Variants in DCPS observed in about 807,000 individuals in gnomAD.
The protein encoded by DCPS is decapping enzyme, scavenger, also known as m7GpppX diphosphatase.
DCPS carries 27 observed loss-of-function variants against 34.7 expected under a neutral mutation model. The observed-to-expected ratio is 0.78, with a 90% CI of 0.57 to 1.07. DCPS has a LOEUF of 1.07. Ranked by LOEUF, DCPS falls within the 50% of genes least tolerant of loss-of-function variation. The pLI is 0.00. For missense variants in DCPS, 464 were observed against 436.9 expected (o/e 1.06, Z -0.55); for synonymous variants, 185 against 185.7 (o/e 1.00, Z 0.03).
At chr11:126,322,000 G>T (rs1951709981) in intron 2 of DCPS, among the ~76,000 whole-genome samples, 1 of 152,134 alleles carries the variant, frequency 6.6e-6, no homozygotes, top group African/African-American at 2.4e-5. Context: ...ATCCAAATGG[G>T]TGTTGCAGAA....
At chr11:126,318,098 G>T (rs1208946493) in intron 2 of DCPS, among the ~76,000 whole-genome samples, 1 of 152,148 alleles carries the variant, frequency 6.6e-6, no homozygotes, top group Middle Eastern at 3.2e-3. Context: ...GGGAGGGAAG[G>T]AGCTGAGGGT....
In DCPS at chr11:126,347,627, G is replaced by A. The variant is rs544768795; in HGVS notation, c.*2014G>A. Among the ~76,000 whole-genome samples the A allele has an allele frequency of 6.6e-6, 1 of 152,350 alleles. No homozygotes were observed. The highest frequency in any genetic ancestry group is 2.4e-5 in the African/African-American group (1 of 41,582). ...GGGAGGTCTGACAGAGAATCAGCAG[G>A]ATCCATTTCATGGCCACCACACATC... On this transcript the variant is annotated 3_prime_UTR_variant, in exon 6 of 6. Coordinates refer to ENST00000263579, the MANE Select transcript of DCPS (RefSeq NM_014026.6). The surrounding 1 kb of genome is among the most constrained non-coding windows in gnomAD (Gnocchi z 4.2).
intron 2 of DCPS, among the ~76,000 whole-genome samples, chr11:126,314,673 A>G (rs936759230): frequency 2.6e-5 from 4 of 152,164 alleles, no homozygotes; most frequent in African/African-American, 9.7e-5. Flanking sequence ...AAAAGGAATG[A>G]AATAATGGCA....
At position 126,322,149 on chromosome 11, in the gene DCPS, T is replaced by C. The variant is rs922604564; in HGVS notation, c.377-9256T>C. Among the ~76,000 whole-genome samples, 6 of 152,322 alleles carry C rather than the reference T, an allele frequency of 3.9e-5. No homozygotes were observed. Among genetic ancestry groups the C allele is most frequent in the African/African-American group, 1.2e-4 (5 of 41,566 alleles). On this transcript the variant is annotated intron_variant, in intron 2 of 5. Coordinates refer to ENST00000263579, the MANE Select transcript of DCPS (RefSeq NM_014026.6). This position sits in a 1 kb window ranked among gnomAD's most constrained non-coding sequence, Gnocchi z 4.2. ...ACAATGGATGAAGATAAAACCACTT[T>C]GAGATCCAACCACACCATCAGGGCA...
At position 126,306,840 on chromosome 11, in the gene DCPS, A is replaced by G. The variant is rs578234161; in HGVS notation, c.376+96A>G. Reference sequence around the variant, plus strand: ...ACCAGACTCTCTATACCCGATTTGCATATTCTAGTACAATAGGGAGATTAC... The same window carrying G: ...ACCAGACTCTCTATACCCGATTTGCGTATTCTAGTACAATAGGGAGATTAC... On this transcript the variant is annotated intron_variant, in intron 2 of 5. Coordinates refer to ENST00000263579, the MANE Select transcript of DCPS (RefSeq NM_014026.6). 34 of 1,394,016 alleles carry G rather than the reference A, an allele frequency of 2.4e-5. No individual in the cohort carries two copies. In the East Asian group the frequency reaches 7.9e-4, roughly 32 times the overall value. The allele number at this position is 1,394,016 out of a possible 1,614,324, so 86.4% of individuals were successfully genotyped here.
At position 126,346,817 on chromosome 11, in the gene DCPS, G is replaced by A. The variant is rs1267233898; in HGVS notation, c.*1204G>A. The stretch of plus-strand genomic sequence containing the variant: ...CCCTTTACTGCAGGTGGTAGCCCAG[G>A]TGCAGCCAACCTGCTTCAGGGTCTC... On this transcript the variant is annotated 3_prime_UTR_variant, in exon 6 of 6. Transcript: ENST00000263579. The surrounding 1 kb of genome is among the most constrained non-coding windows in gnomAD (Gnocchi z 4.1). Among the ~76,000 whole-genome samples the A allele has an allele frequency of 1.3e-5, 2 of 152,158 alleles. No homozygotes were observed. The highest frequency in any genetic ancestry group is 2.9e-5 in the Non-Finnish European group (2 of 68,026).
chr11:126,305,593 G>C (rs531651557), intron 1 of DCPS, among the ~76,000 whole-genome samples: 1 of 147,244 alleles, frequency 6.8e-6, no homozygotes, highest in African/African-American at 2.5e-5. Context: ...GCTAATTTTC[G>C]TATTTTTAGT....
rs1306054473 is a variant in DCPS, at chr11:126,349,359, C to T, written c.*3746C>T. ...CCTAGATAAATCCTGGACGGCTCCA[C>T]GACTGGCTTTTAGCCCTCAACACTT... On this transcript the variant is annotated 3_prime_UTR_variant, in exon 6 of 6. Transcript: ENST00000263579. The surrounding 1 kb of genome is among the most constrained non-coding windows in gnomAD (Gnocchi z 5.4). 6.6e-6 allele frequency among the ~76,000 whole-genome samples: 1 copy of T among 152,222 alleles called. No homozygotes were observed. The highest frequency in any genetic ancestry group is 2.4e-5 in the African/African-American group (1 of 41,454).
rs1042376037 is a variant in DCPS at position 126,344,835 on chromosome 11, C to T, written c.748-512C>T. Among the ~76,000 whole-genome samples the T allele has an allele frequency of 3.3e-5, 5 of 152,162 alleles. No individual in the cohort carries two copies. Among genetic ancestry groups the T allele is most frequent in the African/African-American group, 1.2e-4 (5 of 41,428 alleles). On this transcript the variant is annotated intron_variant, in intron 5 of 5. Coordinates refer to ENST00000263579, the MANE Select transcript of DCPS (RefSeq NM_014026.6). This position sits in a 1 kb window ranked among gnomAD's most constrained non-coding sequence, Gnocchi z 8.1. ...GGAGCAGCCCCTCCCATACCCCTTC[C>T]ACAGTCCCTGCTCTTTCACCAAGTT...
In DCPS at chr11:126,348,430, G is replaced by T. The variant is rs550422628; in HGVS notation, c.*2817G>T. ...AAGCCTCTGCTAGAGGCCTGGCAAG[G>T]GTTCCCCTTCAGAGCCAGCCAGTGC... On this transcript the variant is annotated 3_prime_UTR_variant, in exon 6 of 6. Transcript: ENST00000263579. The surrounding 1 kb of genome is among the most constrained non-coding windows in gnomAD (Gnocchi z 5.3). Among the ~76,000 whole-genome samples, 12 of 152,316 alleles carry T rather than the reference G, an allele frequency of 7.9e-5. No homozygotes were observed. The highest frequency in any genetic ancestry group is 2.9e-4 in the African/African-American group (12 of 41,572).
intron 2 of DCPS, among the ~76,000 whole-genome samples, chr11:126,326,796 G>A (rs1193787722): frequency 3.3e-5 from 5 of 152,054 alleles, no homozygotes; most frequent in African/African-American, 9.7e-5. Flanking sequence ...GGTGGCAGGC[G>A]CCTGTAGTCC....
In DCPS at chr11:126,324,331, C is replaced by T. The variant is rs370266205; in HGVS notation, c.377-7074C>T. ...TATTTCAGAGAATTGAAAATATTTT[C>T]ACAGTTTTCCTAATGAAAATTCCAA... On this transcript the variant is annotated intron_variant, in intron 2 of 5. Transcript: ENST00000263579. Among the ~76,000 whole-genome samples the T allele has an allele frequency of 3.9e-5, 6 of 152,060 alleles. No individual in the cohort carries two copies. In the East Asian group the frequency reaches 1.2e-3, roughly 29 times the overall value.
rs1360268955 is a variant in DCPS at position 126,319,937 on chromosome 11, T to C, written c.377-11468T>C. Among the ~76,000 whole-genome samples, 3 of 152,122 alleles carry C rather than the reference T, an allele frequency of 2.0e-5. No individual in the cohort carries two copies. The highest frequency in any genetic ancestry group is 1.3e-4 in the Admixed American group (2 of 15,266). ...TAACGTATTTGTTACACAAGTGATA[T>C]GTAAATATATATAACTCCATCATCC... On this transcript the variant is annotated intron_variant, in intron 2 of 5. Coordinates refer to ENST00000263579, the MANE Select transcript of DCPS (RefSeq NM_014026.6). This position sits in a 1 kb window ranked among gnomAD's most constrained non-coding sequence, Gnocchi z 4.5.
chr11:126,331,329 C>T lies in DCPS; in HGVS notation c.377-76C>T. 16 of 1,562,870 alleles carry T rather than the reference C, an allele frequency of 1.0e-5. No homozygotes were observed. Among genetic ancestry groups the T allele is most frequent in the Admixed American group, 1.8e-5 (1 of 54,272 alleles). Reference sequence around the variant, plus strand: ...GGGAATCAAAGCCAGGGTGGGAGTTCTCTCCTCACCGTGGTGCCTGTGGCA... The same window carrying T: ...GGGAATCAAAGCCAGGGTGGGAGTTTTCTCCTCACCGTGGTGCCTGTGGCA... On this transcript the variant is annotated intron_variant, in intron 2 of 5. Coordinates refer to ENST00000263579, the MANE Select transcript of DCPS (RefSeq NM_014026.6). The surrounding 1 kb of genome is among the most constrained non-coding windows in gnomAD (Gnocchi z 7.2).
At position 126,343,361 on chromosome 11, in the gene DCPS, C is replaced by A. The variant is rs757830111; in HGVS notation, c.691C>A (p.Arg231Ser). Residue 231 changes from arginine (R) to serine (S), a missense_variant, in exon 5 of 6, where the codon CGC becomes AGC. Physicochemically the swap from Arg to Ser is moderately radical, Grantham distance 110. Coordinates refer to ENST00000263579, the MANE Select transcript of DCPS (RefSeq NM_014026.6). ...CCATCGCCGGGGCATCAGATCCCTACGCGACCTTACTCCGGAGCACTTGCC... is the reference window on the plus strand; with the variant it reads ...CCATCGCCGGGGCATCAGATCCCTAAGCGACCTTACTCCGGAGCACTTGCC... The part of the protein sequence containing the change: ...ICHRRGIRSL[R>S]DLTPEHLPLL... 1.3e-5 allele frequency: 21 copies of A among 1,613,898 alleles called. No individual in the cohort carries two copies. Among genetic ancestry groups the A allele is most frequent in the Non-Finnish European group, 1.6e-5 (19 of 1,179,986 alleles).
intron 2 of DCPS, among the ~76,000 whole-genome samples, chr11:126,326,979 T>C (rs931821167): frequency 6.6e-6 from 1 of 151,976 alleles, no homozygotes; most frequent in Non-Finnish European, 1.5e-5. Flanking sequence ...ATTTGCCACA[T>C]TGGCTTTTTC....
Position 126,313,843 on chromosome 11 carries a change from T to C in DCPS, c.376+7099T>C, listed in dbSNP as rs1392371070. 6.6e-6 allele frequency among the ~76,000 whole-genome samples: 1 copy of C among 152,246 alleles called. No homozygotes were observed. Among genetic ancestry groups the C allele is most frequent in the African/African-American group, 2.4e-5 (1 of 41,464 alleles). On this transcript the variant is annotated intron_variant, in intron 2 of 5. Coordinates refer to ENST00000263579, the MANE Select transcript of DCPS (RefSeq NM_014026.6). The surrounding 1 kb of genome is among the most constrained non-coding windows in gnomAD (Gnocchi z 4.9). ...ACTTAGGTTTTTAAGTGGTACATATTTTATATACATACACACCTGTGTTTT... is the reference window on the plus strand; with the variant it reads ...ACTTAGGTTTTTAAGTGGTACATATCTTATATACATACACACCTGTGTTTT...
chr11:126,334,245 CAGTG>C lies in DCPS; in HGVS notation c.522+2699_522+2702del, dbSNP rs1372331999. ...CAGAAGAGTGGGTTTGCATGGAAGA[CAGTG>C]AGTTCAGTTTGGAATTCATTGAGCA... On this transcript the variant is annotated intron_variant, in intron 3 of 5. Coordinates refer to ENST00000263579, the MANE Select transcript of DCPS (RefSeq NM_014026.6). This position sits in a 1 kb window ranked among gnomAD's most constrained non-coding sequence, Gnocchi z 5.5. 1.6e-4 allele frequency among the ~76,000 whole-genome samples: 25 copies of C among 152,184 alleles called. 1 individual carries two copies. The highest frequency in any genetic ancestry group is 1.6e-3 in the Admixed American group (25 of 15,280).
intron 2 of DCPS, among the ~76,000 whole-genome samples, chr11:126,317,400 CTTT>C (rs11292533): frequency 6.8e-6 from 1 of 147,638 alleles, no homozygotes; most frequent in African/African-American, 2.5e-5. Context: ...GCATTTTGCT[CTTT>C]TTTTTTTTTT....
Sources: allele counts gnomAD v4.1 joint callset (sites outside exome capture counted in the v4.1 genomes callset), GRCh38; gene constraint gnomAD v4.1.1; non-coding constraint Gnocchi (gnomAD v3.1); transcripts MANE v1.5; gene names NCBI Gene and HGNC (gene_info 2026-07-23, HGNC 2026-07-21).